Variants in TLE4 observed in about 807,000 individuals in gnomAD.
TLE4 encodes transducin-like enhancer protein 4.
A neutral mutation model predicts 92.8 loss-of-function variants in TLE4; 8 were observed. The ratio of observed to expected loss-of-function variants is 0.09; its 90% CI spans 0.05 to 0.16. The LOEUF (loss-of-function observed/expected upper bound fraction) is 0.16. Among genes scored for constraint, TLE4 ranks in the 10% least tolerant of loss-of-function variants. The pLI is 1.00. For synonymous variants in TLE4, 371 were observed against 374.1 expected (o/e 0.99, Z 0.10); for missense variants, 675 against 997.6 (o/e 0.68, Z 4.36).
chr9:79,693,040 A>ATTCCC (rs1170692371), intron 8 of TLE4, among the ~76,000 whole-genome samples: 2 of 152,184 alleles, frequency 1.3e-5, no homozygotes, highest in African/African-American at 2.4e-5. Context: ...GTGCATGTGT[A>ATTCCC]TTCCCTTCCC....
At chr9:79,637,995 T>C (rs1243223768) in intron 6 of TLE4, among the ~76,000 whole-genome samples, 1 of 152,154 alleles carries the variant, frequency 6.6e-6, no homozygotes, top group Non-Finnish European at 1.5e-5. Flanking sequence ...CAAAATATCA[T>C]GTGGGGTGCA....
At chr9:79,655,490 CCTAT>C (rs1399289277) in intron 8 of TLE4, among the ~76,000 whole-genome samples, 5 of 152,032 alleles carry the variant, frequency 3.3e-5, no homozygotes, top group Non-Finnish European at 7.4e-5. Flanking sequence ...AAAACTTGAG[CCTAT>C]CTGTTTTACC....
chr9:79,695,663 T>G (rs1315628559), intron 8 of TLE4, among the ~76,000 whole-genome samples: 1 of 151,930 alleles, frequency 6.6e-6, no homozygotes, highest in African/African-American at 2.4e-5. Flanking sequence ...ATCAAAAGAG[T>G]AGCCACAGCC....
At chr9:79,604,756 C>T (rs1250645331) in intron 4 of TLE4, among the ~76,000 whole-genome samples, 3 of 152,040 alleles carry the variant, frequency 2.0e-5, no homozygotes, top group Admixed American at 6.6e-5. Context: ...TGAGTAAGGA[C>T]GATTAGTCTG....
chr9:79,576,457 G>T (rs1002138101), intron 4 of TLE4: 8 of 236,826 alleles, frequency 3.4e-5, no homozygotes, highest in Non-Finnish European at 6.4e-5. Flanking sequence ...AAATCCTCTT[G>T]TTATTCTTCT....
chr9:79,649,915 T>G, intron 6 of TLE4: 1 of 1,328,018 alleles, frequency 7.5e-7, no homozygotes, highest in South Asian at 1.2e-5. Context: ...TTTTGTTTTT[T>G]GTTTTTTGTT....
At chr9:79,575,626 A>G (rs140067883) in intron 3 of TLE4, among the ~76,000 whole-genome samples, 14 of 152,312 alleles carry the variant, frequency 9.2e-5, no homozygotes, top group Non-Finnish European at 1.9e-4. Context: ...TGTCCAAGAA[A>G]GCTCCAGAAT....
chr9:79,722,862 T>C, intron 18 of TLE4, 97 bp from the exon 19 acceptor site: 2 of 1,152,836 alleles, frequency 1.7e-6, no homozygotes, highest in Non-Finnish European at 2.5e-6. Flanking sequence ...TACAAATGGA[T>C]GAGTTTTCTG....
Position 79,654,104 on chromosome 9 carries a change from A to G in TLE4, c.609+29A>G, listed in dbSNP as rs148233206. The stretch of plus-strand genomic sequence containing the variant: ...GGACTCAAAATTTACAGACTAAGGA[A>G]TGGCTTAAAAGGGCTGTAAATGATT... On this transcript the variant is annotated intron_variant, in intron 8 of 19. Coordinates refer to ENST00000376552, the MANE Select transcript of TLE4 (RefSeq NM_007005.6). 2.4e-5 allele frequency: 38 copies of G among 1,607,760 alleles called. No individual in the cohort carries two copies. In the African/African-American group the frequency reaches 3.2e-4, roughly 14 times the overall value.
At chr9:79,602,398 A>G (rs1212737035) in intron 4 of TLE4, among the ~76,000 whole-genome samples, 1 of 152,182 alleles carries the variant, frequency 6.6e-6, no homozygotes, top group African/African-American at 2.4e-5. Flanking sequence ...CAAAGGACAG[A>G]CAGACTCCCT....
At chr9:79,621,234 C>T (rs909648476) in intron 5 of TLE4, among the ~76,000 whole-genome samples, 22 of 152,006 alleles carry the variant, frequency 1.4e-4, no homozygotes, top group African/African-American at 4.4e-4. Context: ...AGACATGGAG[C>T]GACACTTTCA....
intron 6 of TLE4, among the ~76,000 whole-genome samples, chr9:79,638,676 T>G (rs1199106021): frequency 2.0e-5 from 3 of 152,152 alleles, no homozygotes; most frequent in Non-Finnish European, 4.4e-5. Flanking sequence ...CTTTTTTTCT[T>G]TATTTCCCTA....
At chr9:79,592,142 TTTCTTCTTTC>T (rs1409649340) in intron 4 of TLE4, among the ~76,000 whole-genome samples, 2 of 151,436 alleles carry the variant, frequency 1.3e-5, no homozygotes, top group African/African-American at 2.4e-5. Context: ...TTCTTTCTTC[TTTCTTCTTTC>T]TTCTTCTTCT....
Position 79,572,799 on chromosome 9 carries a change from C to G in TLE4, c.9C>G (p.Arg3=). 6.2e-7 allele frequency: 1 copy of G among 1,602,112 alleles called. No homozygotes were observed. Among genetic ancestry groups the G allele is most frequent in the Non-Finnish European group, 8.5e-7 (1 of 1,175,004 alleles). ...CAACTAAATCGGCTTGGATGATTCG[C>G]GACCTGAGCAAGATGTACCCGCAGA... MI[R]DLSKMYPQTR... Residue 3 remains arginine (R), a synonymous_variant, in exon 1 of 20, where the codon CGC becomes CGG. Transcript: ENST00000376552.
chr9:79,652,547 G>A, intron 6 of TLE4, 46 bp from the exon 7 acceptor site: 1 of 1,603,236 alleles, frequency 6.2e-7, no homozygotes, highest in Non-Finnish European at 8.5e-7. Context: ...GGCAGGGGTT[G>A]GATATGGGGG....
chr9:79,665,340 C>T (rs957224612), intron 8 of TLE4, among the ~76,000 whole-genome samples: 11 of 152,138 alleles, frequency 7.2e-5, no homozygotes, highest in South Asian at 6.2e-4. Flanking sequence ...TGGGGGTGCA[C>T]AGTAAAGATT....
intron 6 of TLE4, among the ~76,000 whole-genome samples, chr9:79,629,038 T>A (rs868341897): frequency 2.0e-5 from 3 of 152,206 alleles, no homozygotes; most frequent in Non-Finnish European, 2.9e-5. Flanking sequence ...CTCTACTGTC[T>A]CTACTGTTTA....
chr9:79,639,396 T>G (rs758543963), intron 6 of TLE4, among the ~76,000 whole-genome samples: 2 of 152,174 alleles, frequency 1.3e-5, no homozygotes, highest in Non-Finnish European at 2.9e-5. Flanking sequence ...AAGATTATAA[T>G]GGAGCTGAAA....
intron 4 of TLE4, among the ~76,000 whole-genome samples, chr9:79,604,489 G>A (rs2046368955): frequency 6.6e-6 from 1 of 152,118 alleles, no homozygotes; most frequent in Non-Finnish European, 1.5e-5. Flanking sequence ...GGTAATGACA[G>A]CTTCAAAGAA....
Sources: allele counts gnomAD v4.1 joint callset (sites outside exome capture counted in the v4.1 genomes callset), GRCh38; gene constraint gnomAD v4.1.1; transcripts MANE v1.5; gene names NCBI Gene and HGNC (gene_info 2026-07-23, HGNC 2026-07-21).